MSH3: variants seen among roughly 807,000 people sequenced by gnomAD.
MSH3 encodes mutS homolog 3.
In MSH3, 106 loss-of-function variants were observed where a neutral mutation model predicts 123.3. The ratio of observed to expected loss-of-function variants is 0.86; its 90% confidence interval spans 0.73 to 1.01. MSH3 has a LOEUF of 1.01. MSH3 is among the 50% of genes least tolerant of loss of function. MSH3 has a pLI of 0.00. For synonymous variants in MSH3, 515 were observed against 481.4 expected (o/e 1.07, Z -0.91); for missense variants, 1,459 against 1,347.6 (o/e 1.08, Z -1.29).
intron 20 of MSH3, among the ~76,000 whole-genome samples, chr5:80,832,601 A>G (rs1284683981): frequency 1.3e-5 from 2 of 151,912 alleles, no homozygotes; most frequent in South Asian, 4.2e-4. Flanking sequence ...CCTCGGTGAC[A>G]GAGTAAGACT....
chr5:80,787,770 C>T (rs377155668), intron 18 of MSH3, 98 bp downstream of exon 18: 2 of 847,162 alleles, frequency 2.4e-6, no homozygotes, highest in African/African-American at 3.4e-5. Flanking sequence ...TACAGTTACT[C>T]AAATGTGTTA....
chr5:80,778,002 A>G (rs1744335881), intron 16 of MSH3, among the ~76,000 whole-genome samples: 1 of 152,216 alleles, frequency 6.6e-6, no homozygotes, highest in Non-Finnish European at 1.5e-5. Context: ...AGTGATATTT[A>G]GAGAAGGTCT....
At chr5:80,786,743 A>C (rs1370046538) in intron 17 of MSH3, among the ~76,000 whole-genome samples, 1 of 152,232 alleles carries the variant, frequency 6.6e-6, no homozygotes, top group Non-Finnish European at 1.5e-5. Flanking sequence ...CACAATTTAT[A>C]CGACACTACA....
chr5:80,786,387 G>T (rs138788246), intron 17 of MSH3, among the ~76,000 whole-genome samples: 14 of 152,244 alleles, frequency 9.2e-5, no homozygotes, highest in African/African-American at 3.1e-4. Flanking sequence ...TATGGTTGTT[G>T]TAAAGAATAT....
At chr5:80,696,635 G>A (rs534635637) in intron 8 of MSH3, among the ~76,000 whole-genome samples, 185 of 152,198 alleles carry the variant, frequency 1.2e-3, no homozygotes, top group Non-Finnish European at 2.0e-3. Context: ...TTTCAGAGTC[G>A]TCTTATGTTT....
intron 20 of MSH3, among the ~76,000 whole-genome samples, chr5:80,815,942 G>A (rs1580067797): frequency 6.6e-6 from 1 of 152,144 alleles, no homozygotes; most frequent in South Asian, 2.1e-4. Context: ...TACAATATTA[G>A]TGTAATATTC....
intron 10 of MSH3, among the ~76,000 whole-genome samples, chr5:80,734,396 A>G (rs2112862093): frequency 1.3e-5 from 2 of 152,272 alleles, no homozygotes; most frequent in South Asian, 2.1e-4. Flanking sequence ...GCCAATTTTA[A>G]TATACTAAAT....
At chr5:80,820,299 A>G (rs32988) in intron 20 of MSH3, among the ~76,000 whole-genome samples, 107,359 of 152,088 alleles carry the variant, frequency 0.71, 37,892 homozygotes, top group South Asian at 0.8. Context: ...TTAGTTAAGA[A>G]GGCAACTTAA....
chr5:80,865,989 A>T (rs6151923), intron 22 of MSH3, among the ~76,000 whole-genome samples: 23,984 of 152,166 alleles, frequency 0.16, 1,986 homozygotes, highest in East Asian at 0.24. Flanking sequence ...GAGGAGACTT[A>T]AGCTAAAACC....
intron 8 of MSH3, among the ~76,000 whole-genome samples, chr5:80,723,002 G>T (rs371635768): frequency 1.2e-4 from 18 of 151,958 alleles, no homozygotes; most frequent in African/African-American, 4.4e-4. Context: ...AGCTACTTGG[G>T]GCTGATGAAG....
intron 3 of MSH3, among the ~76,000 whole-genome samples, chr5:80,668,260 C>T (rs1012836171): frequency 1.3e-5 from 2 of 152,134 alleles, no homozygotes; most frequent in African/African-American, 4.8e-5. Context: ...CTGCCATGGG[C>T]GGGCTCAGAA....
At chr5:80,719,371 T>G (rs941390479) in intron 8 of MSH3, among the ~76,000 whole-genome samples, 2 of 152,152 alleles carry the variant, frequency 1.3e-5, no homozygotes, top group Non-Finnish European at 2.9e-5. Flanking sequence ...TAAACCACAT[T>G]CTGTGCAACT....
At chr5:80,827,536 T>C (rs73127253) in intron 20 of MSH3, among the ~76,000 whole-genome samples, 487 of 151,374 alleles carry the variant, frequency 3.2e-3, no homozygotes, top group African/African-American at 0.011. Flanking sequence ...CTTGAATCAG[T>C]CCACACCTTC....
At chr5:80,874,903 T>A (rs1746279461) in intron 23 of MSH3, among the ~76,000 whole-genome samples, 1 of 152,254 alleles carries the variant, frequency 6.6e-6, no homozygotes, top group South Asian at 2.1e-4. Flanking sequence ...TGGGATGGAA[T>A]CTGATCATTT....
At chr5:80,823,739 C>T (rs7721813) in intron 20 of MSH3, among the ~76,000 whole-genome samples, 21,442 of 151,642 alleles carry the variant, frequency 0.14, 1,540 homozygotes, top group East Asian at 0.24. Context: ...GGGTGTTTCT[C>T]GCAGAGGGGG....
chr5:80,785,198 C>A (rs1580049808), intron 17 of MSH3, among the ~76,000 whole-genome samples: 1 of 152,138 alleles, frequency 6.6e-6, no homozygotes, highest in South Asian at 2.1e-4. Flanking sequence ...TAAAGAGAGG[C>A]ATTTATTGTC....
At chr5:80,676,309 G>A (rs1749837771) in intron 7 of MSH3, among the ~76,000 whole-genome samples, 1 of 152,186 alleles carries the variant, frequency 6.6e-6, no homozygotes, top group Admixed American at 6.5e-5. Context: ...AGGATTACAG[G>A]CGTGAGCCAC....
intron 13 of MSH3, among the ~76,000 whole-genome samples, chr5:80,767,418 A>C (rs1744141636): frequency 6.6e-6 from 1 of 152,148 alleles, no homozygotes; most frequent in Non-Finnish European, 1.5e-5. Flanking sequence ...CCGATAAGTG[A>C]AAAATGCTAT....
chr5:80,801,615 G>T (rs887054880), intron 19 of MSH3, among the ~76,000 whole-genome samples: 2 of 152,138 alleles, frequency 1.3e-5, no homozygotes, highest in African/African-American at 4.8e-5. Flanking sequence ...CCCCAAGTCT[G>T]CCCAGGTTCA....
Sources: allele counts gnomAD v4.1 joint callset (sites outside exome capture counted in the v4.1 genomes callset), GRCh38; gene constraint gnomAD v4.1.1; transcripts MANE v1.5; gene names NCBI Gene and HGNC (gene_info 2026-07-23, HGNC 2026-07-21).